The following ADGRV1 variants were observed in gnomAD, a reference collection of about 807,000 sequenced individuals.
ADGRV1 encodes the protein G-protein coupled receptor 98.
A neutral mutation model predicts 596.2 loss-of-function variants in ADGRV1; 359 were observed. The ratio of observed to expected loss-of-function variants is 0.60; its 90% CI spans 0.55 to 0.66. The LOEUF is 0.66. ADGRV1 is among the 30% of genes least tolerant of loss of function. ADGRV1 has a pLI of 0.00. For missense variants in ADGRV1, 7,274 were observed against 7,575.6 expected (o/e 0.96, Z 1.48); for synonymous variants, 2,681 against 2,679.2 (o/e 1.00, Z -0.02).
chr5:90,629,478 C>T lies in ADGRV1; in HGVS notation c.1778C>T (p.Thr593Ile), dbSNP rs780686000. ...TTTCCAGAGCAAAAAACTCAAGTCA[C>T]TACAAAATTACCAATAAGAAATGAT... The part of the protein sequence containing the change: ...LIFPEQKTQV[T>I]TKLPIRNDAF... Residue 593 changes from threonine (T) to isoleucine (I), a missense_variant, in exon 9 of 90, where the codon ACT becomes ATT. By Grantham distance (89) the Thr-to-Ile change is moderately conservative (BLOSUM62 -1). This residue lies in a region of ADGRV1 where 1,715 missense variants were observed against 1,708.8 expected (regional missense o/e 1.00). Transcript: ENST00000405460. The T allele has an allele frequency of 6.2e-7, 1 of 1,613,314 alleles. No individual in the cohort carries two copies. The highest frequency in any genetic ancestry group is 1.3e-5 in the African/African-American group (1 of 74,824).
Position 90,637,789 on chromosome 5 carries a change from C to T in ADGRV1, c.2081C>T (p.Pro694Leu). Residue 694 changes from proline to leucine, a missense_variant, in exon 11 of 90, where the codon CCC becomes CTC. By Grantham distance (98) the Pro-to-Leu change is moderately conservative. Coordinates refer to ENST00000405460, the MANE Select transcript of ADGRV1 (RefSeq NM_032119.4). ...GCTACTGTCTACTGGAGTTTGAAGC[C>T]CTCTGGCTTTAATTCAAAAGCAGTG... is the stretch of plus-strand genomic sequence containing the variant. ...GQATVYWSLK[P>L]SGFNSKAVTP... is the part of the protein sequence containing the mutation. 1.2e-6 allele frequency: 2 copies of T among 1,613,506 alleles called. No individual in the cohort carries two copies. The highest frequency in any genetic ancestry group is 1.7e-6 in the Non-Finnish European group (2 of 1,179,720).
At position 90,672,561 on chromosome 5, in the gene ADGRV1, T is replaced by G; in HGVS notation, c.4768T>G (p.Ser1590Ala). Reference sequence around the variant, plus strand: ...TCAATTTCAGATTGCAGAGGAGGGATCAACCATTTCTTGTGTGGTTGAGAG... The same window carrying G: ...TCAATTTCAGATTGCAGAGGAGGGAGCAACCATTTCTTGTGTGGTTGAGAG... Reference protein sequence around the residue: ...ACIPEIAEEGSTISCVVERTR... With the variant: ...ACIPEIAEEGATISCVVERTR... Residue 1590 changes from serine (S) to alanine (A), a missense_variant, in exon 22 of 90, where the codon TCA becomes GCA. Around this residue, in one of 5 missense-constraint regions of ADGRV1, gnomAD observed 3,643 missense variants for 3,809.2 expected, o/e 0.96. Transcript: ENST00000405460. The G allele has an allele frequency of 6.2e-7, 1 of 1,613,604 alleles. No individual in the cohort carries two copies. The highest frequency in any genetic ancestry group is 8.5e-7 in the Non-Finnish European group (1 of 1,179,636).
chr5:90,897,551 A>G (rs779714074), intron 83 of ADGRV1, among the ~76,000 whole-genome samples: 6 of 152,222 alleles, frequency 3.9e-5, no homozygotes, highest in Admixed American at 6.6e-5. Flanking sequence ...TACGAATATC[A>G]TTGATAATCA....
intron 83 of ADGRV1, among the ~76,000 whole-genome samples, chr5:90,946,572 C>A (rs1321448821): frequency 6.6e-6 from 1 of 151,970 alleles, no homozygotes; most frequent in African/African-American, 2.4e-5. Context: ...AGGTATTAAG[C>A]CCCACATGCA....
chr5:90,673,906 A>G (rs1772856610), intron 22 of ADGRV1, 148 bp from the exon 23 acceptor site: 1 of 611,048 alleles, frequency 1.6e-6, no homozygotes, highest in Non-Finnish European at 2.9e-6. Flanking sequence ...ACACACACAT[A>G]CAATGTTTTA....
chr5:90,765,429 CCACACACACA>C (rs531033246), intron 59 of ADGRV1, among the ~76,000 whole-genome samples: 2,410 of 136,346 alleles, frequency 0.018, 60 homozygotes, highest in African/African-American at 0.061. Flanking sequence ...AAATCACAGA[CCACACACACA>C]CACACACACA....
intron 83 of ADGRV1, among the ~76,000 whole-genome samples, chr5:90,869,528 G>C (rs1768461098): frequency 6.6e-6 from 1 of 152,202 alleles, no homozygotes; most frequent in Non-Finnish European, 1.5e-5. Context: ...AGGGAGAGTA[G>C]AGAGGTTGGG....
intron 31 of ADGRV1, among the ~76,000 whole-genome samples, chr5:90,691,562 T>G (rs1343641467): frequency 6.6e-6 from 1 of 151,668 alleles, no homozygotes; most frequent in Non-Finnish European, 1.5e-5. Flanking sequence ...TTTTTGTATT[T>G]TTAATAGAAA....
At chr5:90,899,359 T>C (rs559748265) in intron 83 of ADGRV1, 1 of 152,286 alleles carries the variant, frequency 6.6e-6, no homozygotes, top group South Asian at 2.1e-4. Flanking sequence ...ATTTCTGGCC[T>C]CCAGTCCACT....
At chr5:90,754,354 T>C (rs1755595679) in intron 54 of ADGRV1, among the ~76,000 whole-genome samples, 1 of 152,212 alleles carries the variant, frequency 6.6e-6, no homozygotes, top group African/African-American at 2.4e-5. Context: ...TGGTGAAGGT[T>C]CTAAGATTTT....
In ADGRV1 at chr5:90,750,803, C is replaced by A. The variant is rs1229399694; in HGVS notation, c.11121+106C>A. The A allele has an allele frequency of 6.6e-6, 5 of 761,968 alleles. No homozygotes were observed. The East Asian group carries it at 1.3e-4, about 19-fold the overall frequency. The allele number at this position is 761,968 out of a possible 1,614,324, so 47.2% of individuals were successfully genotyped here. ...ATGAAGTGTTTGAGTTTGACCATAT[C>A]AACACTGAATTCCTACTAATCATTG... On this transcript the variant is annotated intron_variant, in intron 53 of 89. Coordinates refer to ENST00000405460, the MANE Select transcript of ADGRV1 (RefSeq NM_032119.4).
intron 9 of ADGRV1, among the ~76,000 whole-genome samples, chr5:90,631,246 A>G (rs1250674788): frequency 6.6e-6 from 1 of 152,166 alleles, no homozygotes; most frequent in Non-Finnish European, 1.5e-5. Context: ...AAAGCTTTTT[A>G]CAACTGTTCC....
intron 85 of ADGRV1, among the ~76,000 whole-genome samples, chr5:91,070,260 G>A (rs1291865065): frequency 6.6e-6 from 1 of 151,964 alleles, no homozygotes; most frequent in Admixed American, 6.6e-5. Flanking sequence ...CTAAAATAAA[G>A]GTTGAAGTTA....
At chr5:90,843,000 A>G (rs1368950934) in intron 78 of ADGRV1, among the ~76,000 whole-genome samples, 2 of 152,152 alleles carry the variant, frequency 1.3e-5, no homozygotes, top group Non-Finnish European at 2.9e-5. Flanking sequence ...CAAAAATTCT[A>G]CTAACATAGA....
chr5:90,580,649 G>A (rs990513972), intron 1 of ADGRV1, among the ~76,000 whole-genome samples: 23 of 152,240 alleles, frequency 1.5e-4, no homozygotes, highest in Admixed American at 1.2e-3. Context: ...CGAGAGATCC[G>A]CTGTTAGTCC....
At chr5:90,725,349 G>A in intron 47 of ADGRV1, 117 bp downstream of exon 47, 1 of 771,676 alleles carries the variant, frequency 1.3e-6, no homozygotes, top group Non-Finnish European at 2.0e-6. Context: ...AGGACTTTTT[G>A]TGAGTTGATA....
rs918248823 is a variant in ADGRV1 at position 90,670,408 on chromosome 5, C to T, written c.4753-2138C>T. ...CTGAAGTATGAAGCTACTGCTTCAA[C>T]CCTGAGCAGTGCTTATGGTGTAGTT... is the stretch of plus-strand genomic sequence containing the variant. On this transcript the variant is annotated intron_variant, in intron 21 of 89. Transcript: ENST00000405460. 3.3e-5 allele frequency among the ~76,000 whole-genome samples: 5 copies of T among 152,280 alleles called. No individual in the cohort carries two copies. The South Asian group carries it at 8.3e-4, about 25-fold the overall frequency.
intron 82 of ADGRV1, among the ~76,000 whole-genome samples, chr5:90,857,737 A>G (rs1767158064): frequency 6.6e-6 from 1 of 152,186 alleles, no homozygotes; most frequent in Non-Finnish European, 1.5e-5. Context: ...GGGCTGGATG[A>G]ATTCCCATCC....
chr5:90,933,948 G>A (rs906297848), intron 83 of ADGRV1, among the ~76,000 whole-genome samples: 4 of 152,134 alleles, frequency 2.6e-5, no homozygotes, highest in Non-Finnish European at 2.9e-5. Context: ...TTGTAACATT[G>A]AGCCATCTAG....
Sources: allele counts gnomAD v4.1 joint callset (sites outside exome capture counted in the v4.1 genomes callset), GRCh38; gene constraint gnomAD v4.1.1; regional missense constraint gnomAD v4.1.1; transcripts MANE v1.5; gene names NCBI Gene and HGNC (gene_info 2026-07-23, HGNC 2026-07-21).